ZNRF3: variants seen among roughly 807,000 people sequenced by gnomAD.
ZNRF3 encodes E3 ubiquitin-protein ligase ZNRF3.
Under a neutral mutation model 72.5 loss-of-function variants are expected in ZNRF3, and 23 were observed. That is an observed-to-expected ratio of 0.32 (90% CI 0.23 to 0.45). ZNRF3 has a LOEUF of 0.45. Among genes scored for constraint, ZNRF3 ranks in the 20% least tolerant of loss-of-function variants. The pLI, the probability that ZNRF3 is intolerant of heterozygous loss-of-function variation, is 1.00. For missense variants in ZNRF3, 1,169 were observed against 1,272.1 expected (o/e 0.92, Z 1.23); for synonymous variants, 610 against 545.3 (o/e 1.12, Z -1.65).
chr22:29,043,240 T>C, intron 3 of ZNRF3, 59 bp from the exon 4 acceptor site: 2 of 1,570,414 alleles, frequency 1.3e-6, no homozygotes, highest in Non-Finnish European at 1.7e-6. Flanking sequence ...CCTTTCTTTC[T>C]CTCTACTGCT....
intron 2 of ZNRF3, among the ~76,000 whole-genome samples, chr22:29,039,298 C>T (rs1167514220): frequency 6.6e-6 from 1 of 152,158 alleles, no homozygotes; most frequent in South Asian, 2.1e-4. Context: ...GAAGGCATTC[C>T]CTACCCCAGA....
chr22:28,967,386 T>C (rs562995665), intron 1 of ZNRF3, among the ~76,000 whole-genome samples: 6 of 152,332 alleles, frequency 3.9e-5, no homozygotes, highest in South Asian at 2.1e-4. Context: ...CACACTCTTA[T>C]GTTTGCACAG....
Position 28,883,715 on chromosome 22 carries a change from C to A in ZNRF3, c.-52C>A. 9.2e-6 allele frequency: 9 copies of A among 983,368 alleles called. No homozygotes were observed. Among genetic ancestry groups the A allele is most frequent in the Non-Finnish European group, 9.7e-6 (8 of 828,846 alleles). 60.9% of individuals were successfully genotyped at this position (983,368 alleles called of 1,614,324 possible). On this transcript the variant is annotated 5_prime_UTR_variant, in exon 1 of 9. Coordinates refer to ENST00000544604, the MANE Select transcript of ZNRF3 (RefSeq NM_001206998.2). The surrounding 1 kb of genome is among the most constrained non-coding windows in gnomAD (Gnocchi z 5.5). ...CGCCCGCGTTCGGTCCTCAGCCGGC[C>A]CGCGACTATGCCCGGCCGCGCCCGC...
chr22:29,052,318 G>A (rs1051586314), intron 8 of ZNRF3, among the ~76,000 whole-genome samples: 4 of 152,168 alleles, frequency 2.6e-5, no homozygotes, highest in Non-Finnish European at 4.4e-5. Context: ...ATTCCACTTG[G>A]AACCAGAGTG....
At chr22:28,953,786 A>G (rs1255376799) in intron 1 of ZNRF3, among the ~76,000 whole-genome samples, 1 of 152,194 alleles carries the variant, frequency 6.6e-6, no homozygotes, top group Non-Finnish European at 1.5e-5. Flanking sequence ...ATTGTTGGAT[A>G]TTGGCAGTTT....
intron 1 of ZNRF3, among the ~76,000 whole-genome samples, chr22:28,944,624 G>A (rs186654226): frequency 0.045 from 6,793 of 151,960 alleles, 224 homozygotes; most frequent in Non-Finnish European, 0.068. Context: ...GCGTGGTGGC[G>A]CACGCCTGTA....
Position 29,048,505 on chromosome 22 carries a change from G to A in ZNRF3, c.1015+14G>A, listed in dbSNP as rs748081281. 4 of 1,613,182 alleles carry A rather than the reference G, an allele frequency of 2.5e-6. No homozygotes were observed. Among genetic ancestry groups the A allele is most frequent in the Middle Eastern group, 1.6e-4 (1 of 6,062 alleles). On this transcript the variant is annotated intron_variant, in intron 7 of 8. Coordinates refer to ENST00000544604, the MANE Select transcript of ZNRF3 (RefSeq NM_001206998.2). This position sits in a 1 kb window ranked among gnomAD's most constrained non-coding sequence, Gnocchi z 4.9. ...ACAACATCATAGGTAACTGTCACCC[G>A]CCTTAGCCATTGCTGAAGAGTCAAG... is the stretch of plus-strand genomic sequence containing the variant.
chr22:29,018,357 C>G (rs952480478), intron 2 of ZNRF3: 1 of 211,822 alleles, frequency 4.7e-6, no homozygotes, highest in Admixed American at 5.3e-5. Flanking sequence ...ATTTGGGTTT[C>G]TAGATTTGTA....
chr22:28,909,453 G>GA (rs1466604429), intron 1 of ZNRF3, among the ~76,000 whole-genome samples: 1 of 151,248 alleles, frequency 6.6e-6, no homozygotes, highest in Non-Finnish European at 1.5e-5. Flanking sequence ...TTTTTTCTCA[G>GA]AAAATAATCA....
rs188510692 is a variant in ZNRF3 at position 28,974,698 on chromosome 22, C to T, written c.301-12378C>T. Among the ~76,000 whole-genome samples, 372 of 152,170 alleles carry T rather than the reference C, an allele frequency of 2.4e-3. 5 individuals carry two copies. The highest frequency in any genetic ancestry group is 2.7e-3 in the East Asian group (14 of 5,178). On this transcript the variant is annotated intron_variant, in intron 1 of 8. Coordinates refer to ENST00000544604, the MANE Select transcript of ZNRF3 (RefSeq NM_001206998.2). The stretch of plus-strand genomic sequence containing the variant: ...AGTCTCACTCTTGTCCAGGCTGGCG[C>T]GCCATGGCCAGATCCTAGCTCACTG...
rs1330898908 is a variant in ZNRF3 at position 29,056,048 on chromosome 22, A to C, written c.*2426A>C. 6.6e-6 allele frequency: 1 copy of C among 152,016 alleles called. No individual in the cohort carries two copies. Among genetic ancestry groups the C allele is most frequent in the Non-Finnish European group, 1.5e-5 (1 of 68,022 alleles). The allele number at this position is 152,016 out of a possible 1,614,324, so 9.4% of individuals were successfully genotyped here. ...AACCCATTTAATTTTTGTAGCTTAC[A>C]GGTGGTAGAAACAAAAATGCAATTT... On this transcript the variant is annotated 3_prime_UTR_variant, in exon 9 of 9. Transcript: ENST00000544604.
In ZNRF3 at chr22:29,049,927, C is replaced by G. The variant is rs1340269494; in HGVS notation, c.1746C>G (p.Ser582Arg). 6.2e-7 allele frequency: 1 copy of G among 1,608,480 alleles called. No individual in the cohort carries two copies. The highest frequency in any genetic ancestry group is 1.7e-5 in the Admixed American group (1 of 59,524). Residue 582 changes from serine to arginine, a missense_variant, in exon 8 of 9, where the codon AGC becomes AGG. Transcript: ENST00000544604. This position sits in a 1 kb window ranked among gnomAD's most constrained non-coding sequence, Gnocchi z 5.2. Reference sequence around the variant, plus strand: ...TCAGCAACCAGGGCGTGTACGGGAGCTGCTCCACCTTCCGCAGCTCCCTCA... The same window carrying G: ...TCAGCAACCAGGGCGTGTACGGGAGGTGCTCCACCTTCCGCAGCTCCCTCA... ...TEVSNQGVYG[S>R]CSTFRSSLSS...
At chr22:28,923,490 A>G (rs1473969258) in intron 1 of ZNRF3, among the ~76,000 whole-genome samples, 1 of 151,700 alleles carries the variant, frequency 6.6e-6, no homozygotes, top group African/African-American at 2.4e-5. Flanking sequence ...AAAATAGCAA[A>G]GGGTCAGAAG....
intron 1 of ZNRF3, among the ~76,000 whole-genome samples, chr22:28,949,800 A>C (rs1168150939): frequency 6.6e-6 from 1 of 152,220 alleles, no homozygotes; most frequent in Admixed American, 6.5e-5. Flanking sequence ...CTGTACTTTA[A>C]GGTCAGTTAC....
chr22:28,988,057 C>T (rs1421530219), intron 2 of ZNRF3, among the ~76,000 whole-genome samples: 1 of 152,196 alleles, frequency 6.6e-6, no homozygotes, highest in Non-Finnish European at 1.5e-5. Flanking sequence ...TGGAAAGCCA[C>T]TCATCAACAA....
chr22:29,001,911 A>G (rs2123843220), intron 2 of ZNRF3, among the ~76,000 whole-genome samples: 1 of 152,324 alleles, frequency 6.6e-6, no homozygotes, highest in East Asian at 1.9e-4. Context: ...AGTATTTTAC[A>G]TGGGTCATAT....
At chr22:28,996,331 G>C (rs889525246) in intron 2 of ZNRF3, among the ~76,000 whole-genome samples, 4 of 152,198 alleles carry the variant, frequency 2.6e-5, no homozygotes, top group Admixed American at 2.6e-4. Flanking sequence ...ATCATTGTGT[G>C]TAGTGACTTC....
chr22:28,912,121 G>T (rs1279161448), intron 1 of ZNRF3, among the ~76,000 whole-genome samples: 2 of 152,296 alleles, frequency 1.3e-5, no homozygotes, highest in East Asian at 3.9e-4. Context: ...TCCCTCCCGA[G>T]AAACAGGAGC....
Position 29,053,801 on chromosome 22 carries a change from C to T in ZNRF3, c.*179C>T. 2 of 550,240 alleles carry T rather than the reference C, an allele frequency of 3.6e-6. No individual in the cohort carries two copies. Among genetic ancestry groups the T allele is most frequent in the Non-Finnish European group, 6.4e-6 (2 of 314,012 alleles). 34.1% of individuals were successfully genotyped at this position (550,240 alleles called of 1,614,324 possible). ...CCCCTGTGGCAAAACCACCCCCTAC[C>T]CCATTAACAAATCAACAGACAAAAT... On this transcript the variant is annotated 3_prime_UTR_variant, in exon 9 of 9. Coordinates refer to ENST00000544604, the MANE Select transcript of ZNRF3 (RefSeq NM_001206998.2).
Sources: gnomAD v4.1 joint callset for allele counts (sites outside exome capture counted in the v4.1 genomes callset) on GRCh38, gnomAD v4.1.1 for gene constraint, Gnocchi (gnomAD v3.1) non-coding constraint, MANE v1.5 for transcripts, NCBI Gene and HGNC (gene_info 2026-07-23, HGNC 2026-07-21) for gene names.